RALGAPA2: variants seen among roughly 807,000 people sequenced by gnomAD.
RALGAPA2 encodes the protein Ral GTPase activating protein catalytic subunit alpha 2, also known as ral GTPase-activating protein subunit alpha-2.
RALGAPA2 carries 139 observed loss-of-function variants against 230.4 expected under a neutral mutation model. That is an observed-to-expected ratio of 0.60 (90% CI 0.53 to 0.69). The LOEUF (loss-of-function observed/expected upper bound fraction) is 0.69, where lower values mean the gene tolerates loss of function less well. RALGAPA2 is among the 30% of genes least tolerant of loss of function. The pLI is 0.00. For missense variants in RALGAPA2, 2,163 were observed against 2,276.0 expected, an observed-to-expected ratio of 0.95 and a Z score of 1.01; for synonymous variants, 847 against 837.8, an observed-to-expected ratio of 1.01 and a Z score of -0.19.
chr20:20,632,376 G>C (rs992379169), intron 9 of RALGAPA2, among the ~76,000 whole-genome samples: 6 of 152,058 alleles, frequency 3.9e-5, no homozygotes, highest in Admixed American at 3.9e-4. Flanking sequence ...AAAAAAGCTA[G>C]ATAGTAAAAG....
intron 10 of RALGAPA2, among the ~76,000 whole-genome samples, chr20:20,623,022 G>A (rs1217199554): frequency 2.6e-5 from 4 of 152,036 alleles, no homozygotes; most frequent in African/African-American, 4.8e-5. Flanking sequence ...ACAAATGACC[G>A]TAAAACTAAT....
intron 16 of RALGAPA2, among the ~76,000 whole-genome samples, chr20:20,593,745 A>G (rs1474356093): frequency 6.6e-6 from 1 of 152,242 alleles, no homozygotes; most frequent in Non-Finnish European, 1.5e-5. Flanking sequence ...GCAGGAGCAA[A>G]TAAGAGCTGA....
rs191093661 is a variant in RALGAPA2 at position 20,478,465 on chromosome 20, A to C, written c.5368-5509T>G. On this transcript the variant is annotated intron_variant, in intron 36 of 39. Coordinates refer to ENST00000202677, the MANE Select transcript of RALGAPA2 (RefSeq NM_020343.4). ...CAAACATACAATAAAAAGGAGAACC[A>C]AGATCGACAGTTAGTTCTTTAAGGA... Among the ~76,000 whole-genome samples, 10 of 152,234 alleles carry C rather than the reference A, an allele frequency of 6.6e-5. No homozygotes were observed. The East Asian group carries it at 1.7e-3, about 26-fold the overall frequency.
At position 20,712,595 on chromosome 20, in the gene RALGAPA2, C is replaced by CCCGCTGCTG. The variant is rs1211572548; in HGVS notation, c.-124_-116dup. 22 of 1,187,830 alleles carry CCCGCTGCTG rather than the reference C, an allele frequency of 1.9e-5. No individual in the cohort carries two copies. The African/African-American group carries it at 2.5e-4, about 13-fold the overall frequency. 73.6% of individuals were successfully genotyped at this position (1,187,830 alleles called of 1,614,324 possible). A position where few individuals can be genotyped will look rare whatever the true frequency, so the allele number is the denominator to read the frequency against. On this transcript the variant is annotated 5_prime_UTR_variant, in exon 1 of 40. Coordinates refer to ENST00000202677, the MANE Select transcript of RALGAPA2 (RefSeq NM_020343.4). This position sits in a 1 kb window ranked among gnomAD's most constrained non-coding sequence, Gnocchi z 5.5. ...GCGCGGGCCACTCGCCGCCCCCAGCCCCGCTGCTGCCGCCGCCGCCGCCGC... is the reference window on the plus strand; with the variant it reads ...GCGCGGGCCACTCGCCGCCCCCAGCCCCGCTGCTGCCGCTGCTGCCGCCGCCGCCGCCGC...
chr20:20,538,491 C>A (rs12480200), intron 24 of RALGAPA2, among the ~76,000 whole-genome samples: 4,950 of 152,162 alleles, frequency 0.033, 98 homozygotes, highest in South Asian at 0.06. Context: ...ATCAAAGACT[C>A]CCGGGAAAAA....
At chr20:20,445,526 T>C (rs1569406960) in intron 37 of RALGAPA2, among the ~76,000 whole-genome samples, 1 of 152,142 alleles carries the variant, frequency 6.6e-6, no homozygotes, top group African/African-American at 2.4e-5. Flanking sequence ...CACTCAGAAA[T>C]GGGTGCTTCT....
intron 1 of RALGAPA2, among the ~76,000 whole-genome samples, chr20:20,692,357 T>G (rs1489486925): frequency 1.3e-5 from 2 of 152,238 alleles, no homozygotes; most frequent in Admixed American, 1.3e-4. Flanking sequence ...GCATTCTTCA[T>G]AGTATTTTAA....
In RALGAPA2 at chr20:20,646,767, C is replaced by A. The variant is rs541861698; in HGVS notation, c.329-3218G>T. Among the ~76,000 whole-genome samples, 157 of 152,020 alleles carry A rather than the reference C, an allele frequency of 1.0e-3. 1 individual carries two copies. The highest frequency in any genetic ancestry group is 3.6e-3 in the African/African-American group (150 of 41,474). ...TTCATGCAATGGTTTTTAAAAATTG[C>A]ATTTTAAAAAATGCAAAGAATCCAT... On this transcript the variant is annotated intron_variant, in intron 4 of 39. Coordinates refer to ENST00000202677, the MANE Select transcript of RALGAPA2 (RefSeq NM_020343.4).
At chr20:20,611,541 C>A in intron 13 of RALGAPA2, 115 bp from the exon 14 acceptor site, 3 of 1,432,834 alleles carry the variant, frequency 2.1e-6, no homozygotes, top group Admixed American at 4.5e-5. Flanking sequence ...ATGTATTACT[C>A]GAAACTATTA....
At chr20:20,566,386 G>A (rs1019066642) in intron 23 of RALGAPA2, among the ~76,000 whole-genome samples, 1 of 152,088 alleles carries the variant, frequency 6.6e-6, no homozygotes, top group Non-Finnish European at 1.5e-5. Context: ...TGTATCAATC[G>A]GTATGTCTGT....
chr20:20,534,862 C>A (rs2063459433), intron 26 of RALGAPA2, among the ~76,000 whole-genome samples: 1 of 152,102 alleles, frequency 6.6e-6, no homozygotes, highest in African/African-American at 2.4e-5. Flanking sequence ...ATTAGCCAAA[C>A]CAAGTCTGGT....
intron 37 of RALGAPA2, among the ~76,000 whole-genome samples, chr20:20,430,365 T>C (rs2060475846): frequency 6.6e-6 from 1 of 152,182 alleles, no homozygotes; most frequent in African/African-American, 2.4e-5. Flanking sequence ...TTGTGGGCCC[T>C]GTGGAGGCCT....
intron 15 of RALGAPA2, among the ~76,000 whole-genome samples, chr20:20,603,397 T>C (rs1603027513): frequency 6.6e-6 from 1 of 152,224 alleles, no homozygotes; most frequent in African/African-American, 2.4e-5. Flanking sequence ...TATGGTTTAC[T>C]AACCACTGTA....
At chr20:20,628,490 C>T (rs1568670527) in intron 10 of RALGAPA2, among the ~76,000 whole-genome samples, 1 of 152,092 alleles carries the variant, frequency 6.6e-6, no homozygotes, top group Non-Finnish European at 1.5e-5. Context: ...CGCCACACTC[C>T]AGACCTGTGG....
chr20:20,558,915 C>G (rs2064169871), intron 23 of RALGAPA2, among the ~76,000 whole-genome samples: 1 of 151,856 alleles, frequency 6.6e-6, no homozygotes, highest in Non-Finnish European at 1.5e-5. Context: ...GGAAGCCTGG[C>G]TCTCAGGTTT....
chr20:20,519,010 A>G (rs1268047185), intron 31 of RALGAPA2, among the ~76,000 whole-genome samples: 1 of 152,238 alleles, frequency 6.6e-6, no homozygotes, highest in African/African-American at 2.4e-5. Flanking sequence ...AAACAATTAA[A>G]TGATTAAATA....
intron 24 of RALGAPA2, among the ~76,000 whole-genome samples, chr20:20,539,699 C>T (rs1330349934): frequency 1.3e-5 from 2 of 152,182 alleles, no homozygotes; most frequent in Non-Finnish European, 2.9e-5. Context: ...ACCATGCTGA[C>T]ATCTCCCGAA....
intron 38 of RALGAPA2, among the ~76,000 whole-genome samples, chr20:20,399,968 G>A (rs1205482888): frequency 2.0e-5 from 3 of 152,234 alleles, no homozygotes; most frequent in Non-Finnish European, 4.4e-5. Flanking sequence ...TTAGGAAAGA[G>A]AATGATTTTG....
chr20:20,591,131 T>G lies in RALGAPA2; in HGVS notation c.2341+46A>C, dbSNP rs944232725. 6 of 1,589,362 alleles carry G rather than the reference T, an allele frequency of 3.8e-6. No individual in the cohort carries two copies. The African/African-American group carries it at 8.1e-5, about 21-fold the overall frequency. ...ATACTATATGCAGCTTTTATTCCTCTGCCAGAATCTATAGTTCTGTATTAA... is the reference window on the plus strand; with the variant it reads ...ATACTATATGCAGCTTTTATTCCTCGGCCAGAATCTATAGTTCTGTATTAA... On this transcript the variant is annotated intron_variant, in intron 17 of 39. Transcript: ENST00000202677.
Sources: allele counts gnomAD v4.1 joint callset (sites outside exome capture counted in the v4.1 genomes callset), GRCh38; gene constraint gnomAD v4.1.1; non-coding constraint Gnocchi (gnomAD v3.1); transcripts MANE v1.5; gene names NCBI Gene and HGNC (gene_info 2026-07-23, HGNC 2026-07-21).